Variants in LIN52 observed in about 807,000 individuals in gnomAD.
The protein encoded by LIN52 is protein lin-52 homolog.
A neutral mutation model predicts 18.5 loss-of-function variants in LIN52; 4 were observed. The ratio of observed to expected loss-of-function variants is 0.22; its 90% confidence interval spans 0.11 to 0.49. The LOEUF (loss-of-function observed/expected upper bound fraction) is 0.49. Ranked by LOEUF, LIN52 falls within the 20% of genes least tolerant of loss-of-function variation. LIN52 has a pLI of 0.97. For missense variants in LIN52, 102 were observed against 139.5 expected, an observed-to-expected ratio of 0.73 and a Z score of 1.35; for synonymous variants, 34 against 45.5, an observed-to-expected ratio of 0.75 and a Z score of 1.02.
At chr14:74,192,519 C>T (rs2078884993) in intron 5 of LIN52, 1 of 167,794 alleles carries the variant, frequency 6.0e-6, no homozygotes, top group Non-Finnish European at 1.3e-5. Flanking sequence ...CTCCTGACCC[C>T]TCAGGTAGTC....
chr14:74,085,158 T>G, intron 1 of LIN52, 165 bp downstream of exon 1: 1 of 557,372 alleles, frequency 1.8e-6, no homozygotes, highest in Non-Finnish European at 2.7e-6. Context: ...TCACCGGTTC[T>G]TCACAGCAGC....
At chr14:74,150,613 A>C (rs1042070524) in intron 5 of LIN52, among the ~76,000 whole-genome samples, 1 of 152,190 alleles carries the variant, frequency 6.6e-6, no homozygotes, top group South Asian at 2.1e-4. Flanking sequence ...GTTGTTACAC[A>C]GTATATTTAT....
At chr14:74,177,909 C>G (rs1468953448) in intron 5 of LIN52, among the ~76,000 whole-genome samples, 1 of 152,198 alleles carries the variant, frequency 6.6e-6, no homozygotes, top group Non-Finnish European at 1.5e-5. Context: ...TCCTGAGTAG[C>G]TGGGATTACA....
chr14:74,185,146 C>T (rs2061335643), intron 5 of LIN52, among the ~76,000 whole-genome samples: 1 of 151,804 alleles, frequency 6.6e-6, no homozygotes, highest in Non-Finnish European at 1.5e-5. Flanking sequence ...TGTTAAGAGA[C>T]TGTCATTGTC....
chr14:74,168,307 T>C (rs1008448191), intron 5 of LIN52, among the ~76,000 whole-genome samples: 3 of 152,246 alleles, frequency 2.0e-5, no homozygotes, highest in Admixed American at 1.3e-4. Flanking sequence ...ATAACAGTTA[T>C]TACTTATTAA....
intron 5 of LIN52, among the ~76,000 whole-genome samples, chr14:74,174,985 A>G (rs1209187161): frequency 7.0e-6 from 1 of 143,586 alleles, no homozygotes; most frequent in Non-Finnish European, 1.5e-5. Flanking sequence ...ACTGCACTCT[A>G]TCCTGGGTGA....
chr14:74,130,291 T>TTTTTTTTTTTTTTTTTTTTG (rs2061057259), intron 5 of LIN52, among the ~76,000 whole-genome samples: 1 of 138,104 alleles, frequency 7.2e-6, no homozygotes, highest in Non-Finnish European at 1.5e-5. Flanking sequence ...TTTTTTTTTT[T>TTTTTTTTTTTTTTTTTTTTG]TTTTTGAGAC....
intron 5 of LIN52, among the ~76,000 whole-genome samples, chr14:74,175,029 T>TAATAATAATAATAATAAA (rs1194533971): frequency 4.7e-5 from 7 of 148,284 alleles, no homozygotes; most frequent in Non-Finnish European, 8.9e-5. Context: ...AAAATAATAA[T>TAATAATAATAATAATAAA]AATAATAATA....
At chr14:74,128,706 C>G (rs924063966) in intron 5 of LIN52, among the ~76,000 whole-genome samples, 1 of 152,198 alleles carries the variant, frequency 6.6e-6, no homozygotes, top group African/African-American at 2.4e-5. Flanking sequence ...CTTTGGGAGG[C>G]TGAGACAGGC....
At chr14:74,164,842 T>C (rs373544863) in intron 5 of LIN52, among the ~76,000 whole-genome samples, 3 of 152,146 alleles carry the variant, frequency 2.0e-5, no homozygotes, top group Admixed American at 1.3e-4. Flanking sequence ...TATTCTTACA[T>C]AGGAAAAGAA....
rs2061009408 is a variant in LIN52 at position 74,123,194 on chromosome 14, A to T, written c.283+21956A>T. Among the ~76,000 whole-genome samples the T allele has an allele frequency of 2.0e-5, 3 of 152,352 alleles. No homozygotes were observed. The South Asian group carries it at 6.2e-4, about 32-fold the overall frequency. ...TAACATGGTAGAAGGTAGATTGGTGAGGAATGAAAATAGCAACAGGGAGAT... is the reference window on the plus strand; with the variant it reads ...TAACATGGTAGAAGGTAGATTGGTGTGGAATGAAAATAGCAACAGGGAGAT... On this transcript the variant is annotated intron_variant, in intron 5 of 5. Transcript: ENST00000555028.
chr14:74,090,738 AT>A (rs992342432), intron 1 of LIN52, among the ~76,000 whole-genome samples: 1 of 152,124 alleles, frequency 6.6e-6, no homozygotes, highest in Non-Finnish European at 1.5e-5. Flanking sequence ...AGTTTTATTT[AT>A]TTTGAAGCTA....
chr14:74,103,738 T>G (rs796459789), intron 5 of LIN52, among the ~76,000 whole-genome samples: 226 of 38,432 alleles, frequency 5.9e-3, no homozygotes, highest in African/African-American at 0.029. Flanking sequence ...GGCCAGTTTT[T>G]TTTTTTTTTT....
intron 1 of LIN52, 67 bp downstream of exon 1, chr14:74,085,060 G>A: frequency 7.9e-7 from 1 of 1,266,478 alleles, no homozygotes; most frequent in Admixed American, 3.0e-5. Flanking sequence ...CATCCACTCT[G>A]TCTCTGCCCC....
chr14:74,196,547 A>T (rs1280851704), intron 5 of LIN52, among the ~76,000 whole-genome samples: 1 of 152,044 alleles, frequency 6.6e-6, no homozygotes, highest in Non-Finnish European at 1.5e-5. Context: ...ACATGTTTAA[A>T]CTTGAGAGTA....
chr14:74,101,069 T>C, intron 4 of LIN52, 86 bp from the exon 5 acceptor site: 1 of 1,021,880 alleles, frequency 9.8e-7, no homozygotes, highest in East Asian at 2.5e-5. Flanking sequence ...CTTGAAAACT[T>C]GTATAACAAG....
chr14:74,091,228 C>T lies in LIN52; in HGVS notation c.20-4C>T, dbSNP rs1490701102. 1 of 1,604,012 alleles carries T rather than the reference C, an allele frequency of 6.2e-7. No homozygotes were observed. Among genetic ancestry groups the T allele is most frequent in the South Asian group, 1.1e-5 (1 of 90,542 alleles). On this transcript the variant is annotated splice_polypyrimidine_tract_variant and splice_region_variant and intron_variant, in intron 1 of 5. Transcript: ENST00000555028. The stretch of plus-strand genomic sequence containing the variant: ...TCTTGGTTCATCTGGATGTTTTGTT[C>T]TAGGGACAGATCTGGAAGCATCTTT...
rs1027888710 is a variant in LIN52 at position 74,201,126 on chromosome 14, T to C, written c.*2149T>C. ...TGTTAATGATGTATTTTTATATTGATAATATAAATTTATGTACAGTATGTG... is the reference window on the plus strand; with the variant it reads ...TGTTAATGATGTATTTTTATATTGACAATATAAATTTATGTACAGTATGTG... On this transcript the variant is annotated 3_prime_UTR_variant, in exon 6 of 6. Transcript: ENST00000555028. The C allele has an allele frequency of 1.3e-5, 2 of 152,234 alleles. No homozygotes were observed. The highest frequency in any genetic ancestry group is 6.5e-5 in the Admixed American group (1 of 15,288). 9.4% of individuals were successfully genotyped at this position (152,234 alleles called of 1,614,324 possible).
chr14:74,109,898 G>C (rs2060916724), intron 5 of LIN52, among the ~76,000 whole-genome samples: 1 of 152,182 alleles, frequency 6.6e-6, no homozygotes, highest in Admixed American at 6.5e-5. Flanking sequence ...TTTGCAAAGA[G>C]AGACAGTTTT....
Sources: allele counts gnomAD v4.1 joint callset (sites outside exome capture counted in the v4.1 genomes callset), GRCh38; gene constraint gnomAD v4.1.1; transcripts MANE v1.5; gene names NCBI Gene and HGNC (gene_info 2026-07-23, HGNC 2026-07-21).